Variants in ITPK1 observed in about 807,000 individuals in gnomAD.
ITPK1 encodes the protein inositol-tetrakisphosphate 1-kinase.
A neutral mutation model predicts 45.3 loss-of-function variants in ITPK1; 21 were observed. The ratio of observed to expected loss-of-function variants is 0.46; its 90% CI spans 0.33 to 0.67. ITPK1 has a LOEUF of 0.67. Ranked by LOEUF, ITPK1 falls within the 30% of genes least tolerant of loss-of-function variation. The probability of loss-of-function intolerance (pLI) is 0.02; values close to 1 mark genes in which losing one functional copy is unlikely to be tolerated. For synonymous variants in ITPK1, 258 were observed against 253.6 expected (o/e 1.02, Z -0.16); for missense variants, 474 against 573.5 (o/e 0.83, Z 1.77).
At chr14:92,986,844 A>G (rs533356661) in intron 5 of ITPK1, among the ~76,000 whole-genome samples, 16 of 151,950 alleles carry the variant, frequency 1.1e-4, no homozygotes, top group African/African-American at 3.4e-4. Context: ...AGCTCAGTCC[A>G]CTCCTTTGAG....
intron 10 of ITPK1, among the ~76,000 whole-genome samples, chr14:92,943,518 G>GGGCATGGCTT (rs1566684639): frequency 6.6e-6 from 1 of 152,228 alleles, no homozygotes; most frequent in East Asian, 1.9e-4. Context: ...TCCCGGGCAC[G>GGGCATGGCTT]GGCATGGCTG....
At chr14:92,993,845 G>T in intron 5 of ITPK1, 35 bp downstream of exon 5, 2 of 1,385,046 alleles carry the variant, frequency 1.4e-6, no homozygotes, top group Non-Finnish European at 2.1e-6. Flanking sequence ...AAAGGTGGCT[G>T]CCTGCCACGG....
chr14:93,074,729 TG>T (rs1359231399), intron 3 of ITPK1, among the ~76,000 whole-genome samples: 3 of 152,176 alleles, frequency 2.0e-5, no homozygotes, highest in Non-Finnish European at 4.4e-5. Flanking sequence ...AAAGGATCCG[TG>T]GATTTCCCAG....
rs1185667860 is a variant in ITPK1, at chr14:92,939,670, G to A, written c.*1891C>T. The A allele has an allele frequency of 1.3e-5, 13 of 985,014 alleles. No homozygotes were observed. Among genetic ancestry groups the A allele is most frequent in the African/African-American group, 1.1e-4 (6 of 57,122 alleles). The allele number at this position is 985,014 out of a possible 1,614,324, so 61.0% of individuals were successfully genotyped here. ...GTTACTCGGTATCTGGGCCCTGGAC[G>A]CGCAAGACCCCGGAGGCCACAAACG... On this transcript the variant is annotated 3_prime_UTR_variant, in exon 11 of 11. Transcript: ENST00000267615.
chr14:93,036,126 C>T lies in ITPK1; in HGVS notation c.121-19325G>A, dbSNP rs901357025. ...GCAATGGTGGCGTCAGTGAGACCTG[C>T]CCCTCCCCAGGAGCCCAAGGTCCCA... On this transcript the variant is annotated intron_variant, in intron 3 of 10. Transcript: ENST00000267615. The surrounding 1 kb of genome is among the most constrained non-coding windows in gnomAD (Gnocchi z 4.1). Among the ~76,000 whole-genome samples, 2 of 152,192 alleles carry T rather than the reference C, an allele frequency of 1.3e-5. No homozygotes were observed. Among genetic ancestry groups the T allele is most frequent in the Non-Finnish European group, 2.9e-5 (2 of 68,028 alleles).
intron 3 of ITPK1, among the ~76,000 whole-genome samples, chr14:93,075,069 T>G: frequency 6.6e-6 from 1 of 152,000 alleles, no homozygotes; most frequent in Non-Finnish European, 1.5e-5. Context: ...CTCACACCTG[T>G]AATCCCAGCA....
intron 3 of ITPK1, among the ~76,000 whole-genome samples, chr14:93,062,633 T>G (rs1268623347): frequency 6.6e-6 from 1 of 152,058 alleles, no homozygotes; most frequent in East Asian, 1.9e-4. Context: ...TCAAACCTGC[T>G]TCTGGAGGGT....
rs60511400 is a variant in ITPK1 at position 92,937,490 on chromosome 14, G to A, written c.*4071C>T. 2.0e-5 allele frequency: 3 copies of A among 152,220 alleles called. No individual in the cohort carries two copies. The highest frequency in any genetic ancestry group is 4.4e-5 in the Non-Finnish European group (3 of 68,062). 9.4% of individuals were successfully genotyped at this position (152,220 alleles called of 1,614,324 possible). ...GGAAAATGTAATCATTTCTGAAAAG[G>A]GGGGGTCTGGGTGCTCCTGCGGGTG... On this transcript the variant is annotated 3_prime_UTR_variant, in exon 11 of 11. Coordinates refer to ENST00000267615, the MANE Select transcript of ITPK1 (RefSeq NM_014216.6).
At chr14:93,084,927 T>C (rs993545426) in intron 2 of ITPK1, among the ~76,000 whole-genome samples, 1 of 152,120 alleles carries the variant, frequency 6.6e-6, no homozygotes, top group African/African-American at 2.4e-5. Flanking sequence ...CACTGAAGCC[T>C]GCTCCATGCT....
intron 5 of ITPK1, among the ~76,000 whole-genome samples, chr14:92,989,269 C>T (rs1186963370): frequency 6.6e-6 from 1 of 152,152 alleles, no homozygotes; most frequent in Non-Finnish European, 1.5e-5. Flanking sequence ...CACCCCCCAT[C>T]CCCAGGGAGG....
At chr14:92,947,941 C>T (rs754537488) in intron 9 of ITPK1, among the ~76,000 whole-genome samples, 5 of 152,212 alleles carry the variant, frequency 3.3e-5, no homozygotes, top group Non-Finnish European at 5.9e-5. Context: ...TATTCATACC[C>T]CAGCGTGCAT....
rs79602998 is a variant in ITPK1 at position 92,949,820 on chromosome 14, C to T, written c.738+2126G>A. Among the ~76,000 whole-genome samples the T allele has an allele frequency of 1.4e-3, 216 of 152,336 alleles. 2 individuals are homozygous for T. In the East Asian group the frequency reaches 0.034, roughly 24 times the overall value. On this transcript the variant is annotated intron_variant, in intron 9 of 10. Coordinates refer to ENST00000267615, the MANE Select transcript of ITPK1 (RefSeq NM_014216.6). Reference sequence around the variant, plus strand: ...GTCTGGTTATCCAAAACCAAATAGCCATCCTAGGACAAGATGCCTGGGGCC... The same window carrying T: ...GTCTGGTTATCCAAAACCAAATAGCTATCCTAGGACAAGATGCCTGGGGCC...
chr14:93,030,934 G>A (rs932207933), intron 3 of ITPK1, among the ~76,000 whole-genome samples: 1 of 152,194 alleles, frequency 6.6e-6, no homozygotes, highest in South Asian at 2.1e-4. Flanking sequence ...AGGCAGAGAT[G>A]AGGGCGGTAC....
At chr14:93,027,168 GAGA>G (rs1190385772) in intron 3 of ITPK1, among the ~76,000 whole-genome samples, 1 of 152,224 alleles carries the variant, frequency 6.6e-6, no homozygotes, top group African/African-American at 2.4e-5. Context: ...CACCACAGGG[GAGA>G]GGACCAGGGG....
intron 3 of ITPK1, among the ~76,000 whole-genome samples, chr14:93,054,823 CTT>C (rs1890155552): frequency 6.6e-6 from 1 of 152,160 alleles, no homozygotes; most frequent in Admixed American, 6.5e-5. Context: ...CCTTCTGTTT[CTT>C]TCTTTTATAA....
chr14:93,105,106 G>A (rs1566788679), intron 2 of ITPK1, among the ~76,000 whole-genome samples: 2 of 152,202 alleles, frequency 1.3e-5, no homozygotes, highest in African/African-American at 2.4e-5. Flanking sequence ...GTAGAACTGG[G>A]CTGGGCTGAC....
At chr14:93,010,792 G>A (rs903423549) in intron 4 of ITPK1, among the ~76,000 whole-genome samples, 1 of 152,132 alleles carries the variant, frequency 6.6e-6, no homozygotes, top group East Asian at 1.9e-4. Flanking sequence ...TGAGTGGCTC[G>A]TACGCATCAT....
intron 9 of ITPK1, among the ~76,000 whole-genome samples, chr14:92,946,875 G>C (rs1389081407): frequency 6.6e-6 from 1 of 152,266 alleles, no homozygotes; most frequent in Non-Finnish European, 1.5e-5. Context: ...TTTTAACAGG[G>C]AGGAAGGAGA....
At chr14:92,991,958 G>C (rs867586690) in intron 5 of ITPK1, among the ~76,000 whole-genome samples, 1 of 152,126 alleles carries the variant, frequency 6.6e-6, no homozygotes, top group African/African-American at 2.4e-5. Context: ...CCCTGACCCC[G>C]TGGCTGAACC....
Sources: allele counts gnomAD v4.1 joint callset (sites outside exome capture counted in the v4.1 genomes callset), GRCh38; gene constraint gnomAD v4.1.1; non-coding constraint Gnocchi (gnomAD v3.1); transcripts MANE v1.5; gene names NCBI Gene and HGNC (gene_info 2026-07-23, HGNC 2026-07-21).